The following SLC2A14 variants were observed in gnomAD, a reference collection of about 807,000 sequenced individuals.
SLC2A14 encodes solute carrier family 2, facilitated glucose transporter member 14.
In SLC2A14, 13 loss-of-function variants were observed where a neutral mutation model predicts 43.0. That is an observed-to-expected ratio of 0.30 (90% CI 0.20 to 0.48). The LOEUF is 0.48. Ranked by LOEUF, SLC2A14 falls within the 20% of genes least tolerant of loss-of-function variation. The probability of loss-of-function intolerance (pLI) is 0.99; values close to 1 mark genes in which losing one functional copy is unlikely to be tolerated. For synonymous variants in SLC2A14, 190 were observed against 233.8 expected (o/e 0.81, Z 1.71); for missense variants, 428 against 620.4 (o/e 0.69, Z 3.29).
intron 10 of SLC2A14, 58 bp from the exon 11 acceptor site, chr12:7,814,592 C>G: frequency 6.5e-7 from 1 of 1,533,454 alleles, no homozygotes; most frequent in Non-Finnish European, 8.8e-7. Context: ...TTGACAAATA[C>G]AATTTCCTTC....
chr12:7,873,551 G>A (rs1247228966), upstream of SLC2A14: 1 of 169,516 alleles, frequency 5.9e-6, no homozygotes, highest in Non-Finnish European at 1.2e-5. Flanking sequence ...TGAGACAGGA[G>A]AATCGCTTGA....
upstream of SLC2A14, among the ~76,000 whole-genome samples, chr12:7,874,846 T>TAA (rs1945406370): frequency 1.1e-5 from 1 of 95,186 alleles, no homozygotes; most frequent in African/African-American, 3.6e-5. Flanking sequence ...AATACGTATT[T>TAA]ATATATAAAT....
At chr12:7,871,376 G>A (rs1945223053) in intron 1 of SLC2A14, 2 of 448,868 alleles carry the variant, frequency 4.5e-6, no homozygotes, top group African/African-American at 2.1e-5. Flanking sequence ...AGATGACTAG[G>A]CCACCCCAGC....
In SLC2A14 at chr12:7,836,604, C is replaced by T. The variant is rs190330746; in HGVS notation, c.19-3790G>A. Among the ~76,000 whole-genome samples, 69 of 151,902 alleles carry T rather than the reference C, an allele frequency of 4.5e-4. No individual in the cohort carries two copies. The East Asian group carries it at 9.7e-3, about 21-fold the overall frequency. ...CAGCACTTTGGGAGGCTGAGGAGGG[C>T]GGATGGATCACTTCAGTTCAGGAAT... On this transcript the variant is annotated intron_variant, in intron 2 of 10. Coordinates refer to ENST00000431042, the MANE Select transcript of SLC2A14 (RefSeq NM_001286234.2).
In SLC2A14 at chr12:7,817,863, A is replaced by G; in HGVS notation, c.1243T>C (p.Phe415Leu). The change falls in exon 10 of 11, where the codon TTC becomes CTC. Residue 415 changes from phenylalanine (F) to leucine (L), a missense_variant. Phe to Leu is a conservative substitution (Grantham distance 22). This residue lies in a region of SLC2A14 where 119 missense variants were observed against 188.7 expected (regional missense o/e 0.63). Transcript: ENST00000431042. ...GAGGGGAAGAGCAATCCGACTAGGA[A>G]GTTGGAGGTCCAGTTGGAGCAGCCG... ...VAGCSNWTSN[F>L]LVGLLFPSAA... 1.2e-6 allele frequency: 2 copies of G among 1,614,086 alleles called. No homozygotes were observed. The highest frequency in any genetic ancestry group is 1.7e-6 in the Non-Finnish European group (2 of 1,179,964).
upstream of SLC2A14, chr12:7,873,524 C>G: frequency 1.5e-5 from 3 of 205,588 alleles, no homozygotes; most frequent in Non-Finnish European, 2.6e-5. Flanking sequence ...TCCTATAGTC[C>G]CAACTGCTTG....
At chr12:7,885,237 C>T (rs999054644) in intron 1 of SLC2A14, among the ~76,000 whole-genome samples, 2 of 152,024 alleles carry the variant, frequency 1.3e-5, no homozygotes, top group Non-Finnish European at 2.9e-5. Context: ...GAGGCCGAGG[C>T]GGGCAGATCA....
intron 1 of SLC2A14, among the ~76,000 whole-genome samples, chr12:7,887,871 C>T (rs1445445764): frequency 4.6e-5 from 7 of 152,064 alleles, no homozygotes; most frequent in East Asian, 1.9e-4. Context: ...TAAAGACGGT[C>T]GTATCAAGAT....
At chr12:7,871,117 A>T in intron 1 of SLC2A14, 1 of 1,338,086 alleles carries the variant, frequency 7.5e-7, no homozygotes, top group Admixed American at 2.3e-5. Context: ...CACTTCCCTC[A>T]CCATGTTTGG....
At chr12:7,836,665 C>G (rs992370885) in intron 2 of SLC2A14, among the ~76,000 whole-genome samples, 2 of 151,362 alleles carry the variant, frequency 1.3e-5, no homozygotes, top group Admixed American at 6.6e-5. Flanking sequence ...CAATCCCCAT[C>G]TCTACTAAAG....
Position 7,818,049 on chromosome 12 carries a change from A to G in SLC2A14, c.1072-15T>C. ...TTATAGTGATTCTGTAAGAGGAAGGAACACAGAAGATTAAATTTAAAGACA... is the reference window on the plus strand; with the variant it reads ...TTATAGTGATTCTGTAAGAGGAAGGGACACAGAAGATTAAATTTAAAGACA... On this transcript the variant is annotated splice_polypyrimidine_tract_variant and intron_variant, in intron 9 of 10. Transcript: ENST00000431042. 1 of 1,607,380 alleles carries G rather than the reference A, an allele frequency of 6.2e-7. No individual in the cohort carries two copies. Among genetic ancestry groups the G allele is most frequent in the Non-Finnish European group, 8.5e-7 (1 of 1,176,384 alleles).
At chr12:7,890,912 A>C in intron 1 of SLC2A14, 1 of 1,424,966 alleles carries the variant, frequency 7.0e-7, no homozygotes, top group Non-Finnish European at 9.3e-7. Context: ...GAGAGACAGG[A>C]GGGCAAGTTT....
intron 1 of SLC2A14, among the ~76,000 whole-genome samples, chr12:7,879,282 T>C (rs892858993): frequency 2.1e-5 from 3 of 142,958 alleles, no homozygotes; most frequent in African/African-American, 7.8e-5. Flanking sequence ...CAGACCAGCC[T>C]GGAAAACCTA....
At chr12:7,823,474 G>C (rs10845997) in intron 7 of SLC2A14, among the ~76,000 whole-genome samples, 48,857 of 151,992 alleles carry the variant, frequency 0.32, 8,921 homozygotes, top group South Asian at 0.42. Context: ...TCTAATCCCA[G>C]CAATTTGGGA....
At chr12:7,835,114 A>C (rs1865337630) in intron 2 of SLC2A14, among the ~76,000 whole-genome samples, 1 of 151,988 alleles carries the variant, frequency 6.6e-6, no homozygotes, top group South Asian at 2.1e-4. Context: ...AAAAAAAAAA[A>C]AGAGGAAATG....
At chr12:7,836,507 A>G (rs549855192) in intron 2 of SLC2A14, among the ~76,000 whole-genome samples, 180 of 152,278 alleles carry the variant, frequency 1.2e-3, no homozygotes, top group Non-Finnish European at 2.1e-3. Context: ...GGCGTGAGCC[A>G]CTGAGCCCAG....
At chr12:7,839,921 CTACAAA>C (rs1565532105) in intron 2 of SLC2A14, 2 of 139,184 alleles carry the variant, frequency 1.4e-5, no homozygotes, top group Non-Finnish European at 2.6e-5. Context: ...GACCCTGTCT[CTACAAA>C]AAAAAAAAAA....
intron 7 of SLC2A14, among the ~76,000 whole-genome samples, chr12:7,824,728 CAAA>C (rs59362614): frequency 2.6e-5 from 3 of 113,330 alleles, no homozygotes; most frequent in Non-Finnish European, 1.7e-5. Context: ...GACTCTGTCT[CAAA>C]AAAAAAAAAA....
At chr12:7,835,285 A>G (rs6488694) in intron 2 of SLC2A14, among the ~76,000 whole-genome samples, 147,361 of 152,240 alleles carry the variant, frequency 0.97, 71,469 homozygotes, top group East Asian at 1. Flanking sequence ...TACTCAGGAG[A>G]CTGAGACAGG....
Sources: allele counts gnomAD v4.1 joint callset (sites outside exome capture counted in the v4.1 genomes callset), GRCh38; gene constraint gnomAD v4.1.1; regional missense constraint gnomAD v4.1.1; transcripts MANE v1.5; gene names NCBI Gene and HGNC (gene_info 2026-07-23, HGNC 2026-07-21).